RTKN2: variants seen among roughly 807,000 people sequenced by gnomAD.
The protein encoded by RTKN2 is rhotekin 2, also known as rhotekin-2.
In RTKN2, 69 loss-of-function variants were observed where a neutral mutation model predicts 71.5. The observed-to-expected ratio is 0.96, with a 90% CI of 0.79 to 1.18. The LOEUF is 1.18. Among genes scored for constraint, RTKN2 ranks in the 50% most tolerant of loss-of-function variants. RTKN2 has a pLI of 0.00. For synonymous variants in RTKN2, 236 were observed against 236.5 expected, an observed-to-expected ratio of 1.00 and a Z score of 0.02; for missense variants, 724 against 719.7, an observed-to-expected ratio of 1.01 and a Z score of -0.07.
Position 62,198,204 on chromosome 10 carries a change from G to A in RTKN2, c.1534C>T (p.Leu512Phe). The A allele has an allele frequency of 1.2e-6, 2 of 1,614,050 alleles. No homozygotes were observed. The highest frequency in any genetic ancestry group is 1.7e-6 in the Non-Finnish European group (2 of 1,179,946). The change falls in exon 12 of 12, where the codon CTT (leucine) becomes TTT (phenylalanine). Residue 512 changes from leucine to phenylalanine, a missense_variant. By Grantham distance (22) the Leu-to-Phe change is conservative. Transcript: ENST00000373789. ...RQAPLPPSDK[L>F]PFSLKSQSNT... is the part of the protein sequence containing the mutation. ...CTCTGTGATTTTAAGCTGAATGGAA[G>A]TTTATCAGAAGGAGGAAGGGGAGCT...
chr10:62,231,161 T>A (rs935637975), intron 6 of RTKN2, among the ~76,000 whole-genome samples: 14 of 152,232 alleles, frequency 9.2e-5, no homozygotes, highest in African/African-American at 2.9e-4. Flanking sequence ...AGTGGCTTAT[T>A]TTTAAGAAAC....
chr10:62,217,854 G>A (rs1387884748), intron 8 of RTKN2, among the ~76,000 whole-genome samples: 2 of 152,072 alleles, frequency 1.3e-5, no homozygotes, highest in African/African-American at 4.8e-5. Context: ...CGTGCCAAAC[G>A]CTGTCTGCCA....
intron 6 of RTKN2, among the ~76,000 whole-genome samples, chr10:62,232,690 C>A (rs1842174935): frequency 6.6e-6 from 1 of 151,652 alleles, no homozygotes; most frequent in South Asian, 2.1e-4. Context: ...ATTTTATAAT[C>A]CTATGTCAAG....
rs1255687383 is a variant in RTKN2 at position 62,268,714 on chromosome 10, C to T, written c.-104G>A. The T allele has an allele frequency of 2.4e-6, 3 of 1,234,996 alleles. No individual in the cohort carries two copies. The highest frequency in any genetic ancestry group is 3.4e-6 in the Non-Finnish European group (3 of 885,930). 76.5% of individuals were successfully genotyped at this position (1,234,996 alleles called of 1,614,324 possible). A position where few individuals can be genotyped will look rare whatever the true frequency, so the allele number is the denominator to read the frequency against. ...GAGGACGCCAACCGCCCGGCCGTACCAAGTCCCAGTCGCAGGGGCCGGGGG... is the reference window on the plus strand; with the variant it reads ...GAGGACGCCAACCGCCCGGCCGTACTAAGTCCCAGTCGCAGGGGCCGGGGG... On this transcript the variant is annotated 5_prime_UTR_variant, in exon 1 of 12. Transcript: ENST00000373789.
chr10:62,186,013 C>T (rs746200150), intron 8 of RTKN2, among the ~76,000 whole-genome samples: 11 of 152,220 alleles, frequency 7.2e-5, no homozygotes, highest in Non-Finnish European at 8.8e-5. Context: ...AGTTGAACTG[C>T]CAAAGGCCAG....
At chr10:62,220,042 G>A (rs1008241739) in intron 7 of RTKN2, among the ~76,000 whole-genome samples, 1 of 152,262 alleles carries the variant, frequency 6.6e-6, no homozygotes, top group Middle Eastern at 3.4e-3. Context: ...CCTGTTGGTA[G>A]TGCCTACAAA....
At position 62,196,654 on chromosome 10, in the gene RTKN2, T is replaced by C. The variant is rs1347262420; in HGVS notation, c.*1254A>G. On this transcript the variant is annotated 3_prime_UTR_variant, in exon 12 of 12. Coordinates refer to ENST00000373789, the MANE Select transcript of RTKN2 (RefSeq NM_145307.4). ...ATTATACACAGGGCAGCAATTTAATTCTTAAATTTTTATTTCTTGCAATGA... is the reference window on the plus strand; with the variant it reads ...ATTATACACAGGGCAGCAATTTAATCCTTAAATTTTTATTTCTTGCAATGA... 20 of 984,662 alleles carry C rather than the reference T, an allele frequency of 2.0e-5. No individual in the cohort carries two copies. The Admixed American group carries it at 3.1e-4, about 15-fold the overall frequency. The allele number at this position is 984,662 out of a possible 1,614,324, so 61.0% of individuals were successfully genotyped here.
chr10:62,215,119 C>G (rs1564506450), intron 9 of RTKN2: 3 of 1,333,916 alleles, frequency 2.2e-6, no homozygotes, highest in Non-Finnish European at 3.1e-6. Context: ...GTTTAGATTA[C>G]ATTTTATTTT....
chr10:62,221,766 G>T (rs990777805), intron 7 of RTKN2, among the ~76,000 whole-genome samples: 1 of 152,006 alleles, frequency 6.6e-6, no homozygotes, highest in African/African-American at 2.4e-5. Context: ...GAACACACGG[G>T]TGAATAAAAC....
chr10:62,256,609 C>T (rs1400321977), intron 2 of RTKN2, among the ~76,000 whole-genome samples: 1 of 151,864 alleles, frequency 6.6e-6, no homozygotes, highest in Non-Finnish European at 1.5e-5. Flanking sequence ...GCCATGTTGT[C>T]TGCAACTTAT....
At chr10:62,265,148 A>C (rs1414361966) in intron 1 of RTKN2, among the ~76,000 whole-genome samples, 1 of 152,216 alleles carries the variant, frequency 6.6e-6, no homozygotes, top group Non-Finnish European at 1.5e-5. Flanking sequence ...ATGTAAGATT[A>C]AAGTACTATT....
downstream of RTKN2, among the ~76,000 whole-genome samples, chr10:62,190,804 T>C (rs1265975488): frequency 5.3e-5 from 8 of 152,184 alleles, no homozygotes; most frequent in Non-Finnish European, 5.9e-5. Context: ...TCTTACTTTC[T>C]TGAACTAGCA....
rs746310538 is a variant in RTKN2 at position 62,239,711 on chromosome 10, T to A, written c.425A>T (p.Asp142Val). Reference protein sequence around the residue: ...CLFKMGANVFDTDVVNVDKTI... With the variant: ...CLFKMGANVFVTDVVNVDKTI... ...TTTATCCACATTCACCACATCAGTATCAAACACATTAGCTCCCATTTTGAA... is the reference window on the plus strand; with the variant it reads ...TTTATCCACATTCACCACATCAGTAACAAACACATTAGCTCCCATTTTGAA... Residue 142 changes from aspartate (D) to valine (V), a missense_variant, in exon 5 of 12, where the codon GAT (aspartate) becomes GTT (valine). Asp to Val is a radical substitution (Grantham distance 152). Coordinates refer to ENST00000373789, the MANE Select transcript of RTKN2 (RefSeq NM_145307.4). The A allele has an allele frequency of 1.5e-5, 24 of 1,592,622 alleles. No homozygotes were observed. Among genetic ancestry groups the A allele is most frequent in the African/African-American group, 2.7e-5 (2 of 74,244 alleles).
chr10:62,196,473 T>A lies in RTKN2; in HGVS notation c.*1435A>T, dbSNP rs1135436. On this transcript the variant is annotated 3_prime_UTR_variant, in exon 12 of 12. Coordinates refer to ENST00000373789, the MANE Select transcript of RTKN2 (RefSeq NM_145307.4). Reference sequence around the variant, plus strand: ...ACACAAAAGTGTCCTGGCAGTTACATCATTCTCTATAAATGGAAAAGACCC... The same window carrying A: ...ACACAAAAGTGTCCTGGCAGTTACAACATTCTCTATAAATGGAAAAGACCC... 0.16 allele frequency: 160,466 copies of A among 984,818 alleles called. 16,648 individuals are homozygous for A. Among genetic ancestry groups the A allele is most frequent in the African/African-American group, 0.49 (27,962 of 57,208 alleles). The allele number at this position is 984,818 out of a possible 1,614,324, so 61.0% of individuals were successfully genotyped here.
At chr10:62,214,815 C>T (rs1841733242) in intron 9 of RTKN2, among the ~76,000 whole-genome samples, 2 of 152,038 alleles carry the variant, frequency 1.3e-5, no homozygotes, top group African/African-American at 4.8e-5. Flanking sequence ...TCTAATTTTG[C>T]CTTCCAAATC....
chr10:62,233,173 T>C (rs1282102404), intron 6 of RTKN2, among the ~76,000 whole-genome samples: 2 of 152,194 alleles, frequency 1.3e-5, no homozygotes, highest in African/African-American at 4.8e-5. Flanking sequence ...CCATATAGTG[T>C]AGTTGGATAA....
chr10:62,212,506 C>A (rs912809517), intron 9 of RTKN2, among the ~76,000 whole-genome samples: 1 of 151,952 alleles, frequency 6.6e-6, no homozygotes, highest in Non-Finnish European at 1.5e-5. Flanking sequence ...AGTTTGAGAC[C>A]AGCCTGGGTA....
chr10:62,239,033 C>A (rs1842316296), intron 5 of RTKN2: 1 of 151,920 alleles, frequency 6.6e-6, no homozygotes, highest in African/African-American at 2.4e-5. Flanking sequence ...CAAGGAGTTC[C>A]TTCTTGTTCT....
intron 2 of RTKN2, among the ~76,000 whole-genome samples, chr10:62,249,649 C>T (rs1842543413): frequency 6.6e-6 from 1 of 152,142 alleles, no homozygotes; most frequent in South Asian, 2.1e-4. Context: ...TTGGATTTTA[C>T]TCATTATTAA....
Sources: allele counts gnomAD v4.1 joint callset (sites outside exome capture counted in the v4.1 genomes callset), GRCh38; gene constraint gnomAD v4.1.1; transcripts MANE v1.5; gene names NCBI Gene and HGNC (gene_info 2026-07-23, HGNC 2026-07-21).